OGG1: variants seen among roughly 807,000 people sequenced by gnomAD.
The protein encoded by OGG1 is N-glycosylase/DNA lyase.
Under a neutral mutation model 42.3 loss-of-function variants are expected in OGG1, and 35 were observed. The observed-to-expected ratio is 0.83, with a 90% CI of 0.63 to 1.10. The LOEUF (loss-of-function observed/expected upper bound fraction) is 1.10, where lower values mean the gene tolerates loss of function less well. Ranked by LOEUF, OGG1 falls within the 50% of genes least tolerant of loss-of-function variation. The pLI, the probability that OGG1 is intolerant of heterozygous loss-of-function variation, is 0.00. For missense variants in OGG1, 484 were observed against 446.7 expected (o/e 1.08, Z -0.75); for synonymous variants, 189 against 179.0 (o/e 1.06, Z -0.44).
chr3:9,789,213 G>C (rs1022417558), downstream of OGG1, among the ~76,000 whole-genome samples: 3 of 152,206 alleles, frequency 2.0e-5, no homozygotes, highest in Non-Finnish European at 4.4e-5. Flanking sequence ...AGGCTGTTTG[G>C]ATAGAAGTTG....
exon 8 of OGG1, chr3:9,765,955 C>T: frequency 6.2e-7 from 1 of 1,614,208 alleles, no homozygotes; most frequent in Non-Finnish European, 8.5e-7. Context: ...GCCTCTCCTC[C>T]ATTCCCTATG....
At chr3:9,754,432 T>A (rs1336319169) in intron 3 of OGG1, among the ~76,000 whole-genome samples, 1 of 152,182 alleles carries the variant, frequency 6.6e-6, no homozygotes, top group Non-Finnish European at 1.5e-5. Context: ...GTTGGGGAGC[T>A]CCTCAAGGGA....
chr3:9,784,740 C>T (rs183698626), intron 3 of OGG1, among the ~76,000 whole-genome samples: 39 of 152,020 alleles, frequency 2.6e-4, no homozygotes, highest in Admixed American at 9.8e-4. Context: ...TGGCAGGCGC[C>T]TGTAATCACA....
chr3:9,759,573 A>G (rs771650402), downstream of OGG1: 28 of 1,613,940 alleles, frequency 1.7e-5, no homozygotes, highest in East Asian at 2.2e-4. Context: ...ATCTCCTGCA[A>G]TCCTAGGATG....
exon 8 of OGG1, chr3:9,766,325 C>G (rs2078150468): frequency 2.9e-6 from 2 of 691,634 alleles, no homozygotes; most frequent in African/African-American, 1.8e-5. Flanking sequence ...AGGTCTACCC[C>G]TGGGCTTTTG....
At chr3:9,780,517 A>T (rs758706097) in intron 2 of OGG1, 1 of 1,606,342 alleles carries the variant, frequency 6.2e-7, no homozygotes. Flanking sequence ...CCGCTGCCTC[A>T]GCTCCTGCCG....
At chr3:9,763,623 C>G (rs780757314) in intron 7 of OGG1, among the ~76,000 whole-genome samples, 1 of 152,112 alleles carries the variant, frequency 6.6e-6, no homozygotes, top group Non-Finnish European at 1.5e-5. Context: ...AAATCCTGCC[C>G]GTCACATGCT....
At chr3:9,764,065 A>G (rs1225972155) in intron 7 of OGG1, among the ~76,000 whole-genome samples, 1 of 152,218 alleles carries the variant, frequency 6.6e-6, no homozygotes, top group Non-Finnish European at 1.5e-5. Flanking sequence ...CCCCGAATCC[A>G]GAGGCTTTGT....
Position 9,754,812 on chromosome 3 carries a change from T to G in OGG1, c.674T>G (p.Leu225Arg). ...GAAGAACAGGGCGGGCTAGCCTGGC[T>G]GCAGCAGCTACGAGAGTCCTCATAT... ...ILEEQGGLAW[L>R]QQLRESSYEE... The change falls in exon 4 of 7, where the codon CTG becomes CGG. Residue 225 changes from leucine to arginine, a missense_variant. Coordinates refer to ENST00000344629, the MANE Select transcript of OGG1 (RefSeq NM_002542.6). 6.2e-7 allele frequency: 1 copy of G among 1,613,134 alleles called. No individual in the cohort carries two copies. Among genetic ancestry groups the G allele is most frequent in the Non-Finnish European group, 8.5e-7 (1 of 1,179,622 alleles).
chr3:9,767,746 G>A (rs944264337), downstream of OGG1: 15 of 1,613,806 alleles, frequency 9.3e-6, no homozygotes, highest in Middle Eastern at 1.6e-4. Flanking sequence ...ACTGCCCCCA[G>A]CATGGCCCAC....
chr3:9,787,052 C>A, intron 3 of OGG1: 1 of 1,614,256 alleles, frequency 6.2e-7, no homozygotes, highest in Non-Finnish European at 8.5e-7. Context: ...ACCAAAGGGG[C>A]ATCCATCTTC....
downstream of OGG1, chr3:9,790,063 C>G: frequency 7.1e-7 from 1 of 1,400,110 alleles, no homozygotes; most frequent in Admixed American, 2.9e-5. Flanking sequence ...ACAGAGGCTC[C>G]TGGGTCTTTC....
downstream of OGG1, chr3:9,766,744 C>A: frequency 1.7e-6 from 1 of 580,148 alleles, no homozygotes; most frequent in Non-Finnish European, 2.2e-6. Flanking sequence ...AGAAAAGCAT[C>A]TCTCGTGGTG....
At chr3:9,766,380 TC>T in exon 8 of OGG1, 3 of 606,868 alleles carry the variant, frequency 4.9e-6, no homozygotes, top group Non-Finnish European at 9.1e-6. Flanking sequence ...CTAATTCGAG[TC>T]ATGGCTAATT....
intron 3 of OGG1, among the ~76,000 whole-genome samples, chr3:9,786,754 T>G (rs574432875): frequency 6.6e-6 from 1 of 152,352 alleles, no homozygotes; most frequent in Non-Finnish European, 1.5e-5. Flanking sequence ...TGTTTCATTT[T>G]GTAATCTCCA....
At chr3:9,760,964 C>A, downstream of OGG1, 1 of 765,970 alleles carries the variant, frequency 1.3e-6, no homozygotes, top group South Asian at 1.8e-5. Flanking sequence ...GCCATCTTGC[C>A]CTCCTCAGGG....
At chr3:9,783,897 T>TC (rs1461442104) in intron 3 of OGG1, 1 of 1,410,138 alleles carries the variant, frequency 7.1e-7, no homozygotes, top group Non-Finnish European at 9.3e-7. Flanking sequence ...TGCTGTTTTT[T>TC]TCGAGGCTCT....
chr3:9,751,715 G>A (rs2077308724), intron 2 of OGG1, 55 bp from the exon 3 acceptor site: 1 of 1,543,302 alleles, frequency 6.5e-7, no homozygotes, highest in East Asian at 2.2e-5. Context: ...TGGGTGGGAA[G>A]AGGCCACACC....
chr3:9,760,640 G>A (rs760612412), downstream of OGG1: 8 of 1,613,358 alleles, frequency 5.0e-6, no homozygotes, highest in Admixed American at 1.0e-4. Context: ...GGGGAAAAAA[G>A]CAAAGCCCCA....
Sources: allele counts gnomAD v4.1 joint callset (sites outside exome capture counted in the v4.1 genomes callset), GRCh38; gene constraint gnomAD v4.1.1; transcripts MANE v1.5; gene names NCBI Gene and HGNC (gene_info 2026-07-23, HGNC 2026-07-21).